The following PFKFB1 variants were observed in gnomAD, a reference collection of about 807,000 sequenced individuals.
PFKFB1 encodes 6-phosphofructo-2-kinase/fructose-2,6-biphosphatase 1.
Under a neutral mutation model 46.4 loss-of-function variants are expected in PFKFB1, and 34 were observed. The ratio of observed to expected loss-of-function variants is 0.73; its 90% CI spans 0.56 to 0.98. The LOEUF (loss-of-function observed/expected upper bound fraction) is 0.98, where lower values mean the gene tolerates loss of function less well. Among genes scored for constraint, PFKFB1 ranks in the 50% least tolerant of loss-of-function variants. The pLI is 0.00. For synonymous variants in PFKFB1, 119 were observed against 133.8 expected, an observed-to-expected ratio of 0.89 and a Z score of 0.76; for missense variants, 393 against 376.3, an observed-to-expected ratio of 1.04 and a Z score of -0.37.
At chrX:54,972,393 G>C (rs1410150606) in intron 1 of PFKFB1, among the ~76,000 whole-genome samples, 22 of 109,113 alleles carry the variant, frequency 2.0e-4, no homozygotes, top group Admixed American at 8.8e-4. Flanking sequence ...GGAGTGGTGA[G>C]AGAGGGCATC....
intron 1 of PFKFB1, among the ~76,000 whole-genome samples, chrX:54,977,329 C>A (rs1934865441): frequency 1.8e-5 from 2 of 110,508 alleles, no homozygotes; most frequent in Admixed American, 9.7e-5. Context: ...ACACTGTACT[C>A]TAATTGATAA....
chrX:54,935,158 G>C (rs1205731947), intron 11 of PFKFB1, 149 bp from the exon 12 acceptor site: 5 of 491,316 alleles, frequency 1.0e-5, no homozygotes, highest in Non-Finnish European at 1.8e-5. Flanking sequence ...CACCCTGCAG[G>C]GGCAGCACTG....
At chrX:54,972,959 A>T (rs1485268968) in intron 1 of PFKFB1, among the ~76,000 whole-genome samples, 1 of 111,303 alleles carries the variant, frequency 9.0e-6, no homozygotes, top group Non-Finnish European at 1.9e-5. Context: ...CTGTGAATCC[A>T]TCTGGTCCTG....
chrX:54,970,147 G>T (rs1448657625), intron 1 of PFKFB1, among the ~76,000 whole-genome samples: 3 of 110,794 alleles, frequency 2.7e-5, no homozygotes, highest in Admixed American at 9.6e-5. Context: ...GGCCTCAAGT[G>T]ATCTGCCCAC....
intron 8 of PFKFB1, among the ~76,000 whole-genome samples, chrX:54,951,591 C>A (rs1384181856): frequency 2.7e-5 from 3 of 112,619 alleles, no homozygotes; most frequent in Non-Finnish European, 5.6e-5. Context: ...AGCAAAGGCA[C>A]AAACTCGTGA....
chrX:54,974,335 A>G (rs984328454), intron 1 of PFKFB1, among the ~76,000 whole-genome samples: 4 of 111,903 alleles, frequency 3.6e-5, no homozygotes, highest in Non-Finnish European at 7.5e-5. Flanking sequence ...CAAAGCATGC[A>G]ATAACATAAA....
chrX:54,948,765 G>A (rs945501819), intron 9 of PFKFB1, among the ~76,000 whole-genome samples: 1 of 111,596 alleles, frequency 9.0e-6, no homozygotes, highest in Non-Finnish European at 1.9e-5. Flanking sequence ...CCAGCACCAA[G>A]TTGAGTCAGG....
At chrX:54,963,414 C>T (rs1934380593) in intron 1 of PFKFB1, 32 bp from the exon 2 acceptor site, 2 of 1,198,316 alleles carry the variant, frequency 1.7e-6, no homozygotes, top group Non-Finnish European at 2.3e-6. Context: ...AAAAGCTTAT[C>T]CTCAGATTCA....
intron 1 of PFKFB1, among the ~76,000 whole-genome samples, chrX:54,991,174 T>C (rs1169553362): frequency 9.0e-6 from 1 of 111,649 alleles, no homozygotes; most frequent in African/African-American, 3.3e-5. Context: ...ATACAAATTA[T>C]CAAAACTCAT....
upstream of PFKFB1, among the ~76,000 whole-genome samples, chrX:54,998,196 G>T (rs185017029): frequency 9.8e-4 from 110 of 112,288 alleles, no homozygotes; most frequent in African/African-American, 3.3e-3. Flanking sequence ...TGCCCTGGGG[G>T]CCAGTGTCCC....
intron 13 of PFKFB1, 97 bp from the exon 14 acceptor site, chrX:54,933,559 C>T: frequency 1.4e-6 from 1 of 735,058 alleles, no homozygotes; most frequent in Non-Finnish European, 2.1e-6. Flanking sequence ...TCCCCTCTTT[C>T]AGCCAGGCCC....
chrX:54,995,444 T>G (rs1372069022), upstream of PFKFB1, among the ~76,000 whole-genome samples: 1 of 112,399 alleles, frequency 8.9e-6, no homozygotes, highest in Non-Finnish European at 1.9e-5. Flanking sequence ...CTCCAGTTGT[T>G]GTGTATAAAT....
rs188842611 is a variant in PFKFB1, at chrX:54,970,087, T to C, written c.98-6705A>G. On this transcript the variant is annotated intron_variant, in intron 1 of 13. Coordinates refer to ENST00000375006, the MANE Select transcript of PFKFB1 (RefSeq NM_002625.4). ...CCACACTTGGCTAATTTTTGTATTTTTAGTAGAGATGGGGTTTCACCATGT... is the reference window on the plus strand; with the variant it reads ...CCACACTTGGCTAATTTTTGTATTTCTAGTAGAGATGGGGTTTCACCATGT... Among the ~76,000 whole-genome samples, 435 of 110,655 alleles carry C rather than the reference T, an allele frequency of 3.9e-3. 3 individuals carry two copies. The highest frequency in any genetic ancestry group is 0.014 in the African/African-American group (426 of 30,442).
chrX:54,942,585 GT>G (rs766009151), intron 10 of PFKFB1, among the ~76,000 whole-genome samples: 1 of 111,275 alleles, frequency 9.0e-6, no homozygotes, highest in Admixed American at 9.6e-5. Context: ...CTCAGGCTGC[GT>G]GAGATTTCCA....
chrX:54,997,038 T>C (rs991473348), upstream of PFKFB1, among the ~76,000 whole-genome samples: 1 of 111,938 alleles, frequency 8.9e-6, no homozygotes, highest in Non-Finnish European at 1.9e-5. Context: ...CAGTGATCTG[T>C]AATTTGTGTT....
chrX:54,974,944 T>TA (rs932615755), intron 1 of PFKFB1, among the ~76,000 whole-genome samples: 11 of 109,194 alleles, frequency 1.0e-4, no homozygotes, highest in Admixed American at 1.9e-4. Flanking sequence ...AATTTAAAAA[T>TA]AAAAAAAAAT....
intron 1 of PFKFB1, among the ~76,000 whole-genome samples, chrX:54,987,060 A>G (rs1935130557): frequency 9.0e-6 from 1 of 111,064 alleles, no homozygotes; most frequent in African/African-American, 3.3e-5. Context: ...ACTGACCAAG[A>G]AAAAAAAGAG....
intron 1 of PFKFB1, among the ~76,000 whole-genome samples, chrX:54,977,040 G>A (rs754892565): frequency 7.4e-4 from 82 of 110,263 alleles, no homozygotes; most frequent in Non-Finnish European, 1.3e-3. Context: ...TGATGGAATT[G>A]TTCTATACGG....
At chrX:54,945,362 C>A (rs1162291203) in intron 10 of PFKFB1, 77 bp downstream of exon 10, 10 of 562,959 alleles carry the variant, frequency 1.8e-5, no homozygotes, top group Non-Finnish European at 2.6e-5. Context: ...GCTGTCTAGA[C>A]AATTGTGGAA....
Sources: gnomAD v4.1 joint callset for allele counts (sites outside exome capture counted in the v4.1 genomes callset) on GRCh38, gnomAD v4.1.1 for gene constraint, MANE v1.5 for transcripts, NCBI Gene and HGNC (gene_info 2026-07-23, HGNC 2026-07-21) for gene names.